NEXMIF: variants seen among roughly 807,000 people sequenced by gnomAD.
The protein encoded by NEXMIF is XLMR protein related to neurite extension.
A neutral mutation model predicts 62.1 loss-of-function variants in NEXMIF; 8 were observed. The observed-to-expected ratio is 0.13, with a 90% CI of 0.08 to 0.23. The LOEUF (loss-of-function observed/expected upper bound fraction) is 0.23. Ranked by LOEUF, NEXMIF falls within the 10% of genes least tolerant of loss-of-function variation. NEXMIF has a pLI of 1.00. For synonymous variants in NEXMIF, 404 were observed against 416.6 expected, an observed-to-expected ratio of 0.97 and a Z score of 0.37; for missense variants, 976 against 1,113.3, an observed-to-expected ratio of 0.88 and a Z score of 1.75.
intron 1 of NEXMIF, among the ~76,000 whole-genome samples, chrX:74,877,685 C>T (rs1454413937): frequency 7.2e-5 from 8 of 111,105 alleles, no homozygotes; most frequent in Non-Finnish European, 1.3e-4. Context: ...AGGCTTTGCT[C>T]GTTTCTTTTT....
chrX:74,871,689 TCG>T (rs2080601548), intron 1 of NEXMIF, among the ~76,000 whole-genome samples: 1 of 111,563 alleles, frequency 9.0e-6, no homozygotes, highest in South Asian at 3.8e-4. Flanking sequence ...TTTCTCCTAC[TCG>T]CACATCCATC....
At position 74,739,421 on chromosome X, in the gene NEXMIF, A is replaced by G; in HGVS notation, c.4535T>C (p.Phe1512Ser). 1 of 1,196,904 alleles carries G rather than the reference A, an allele frequency of 8.4e-7. No homozygotes were observed. Among genetic ancestry groups the G allele is most frequent in the South Asian group, 1.8e-5 (1 of 54,083 alleles). Residue 1512 changes from phenylalanine to serine, a missense_variant, in exon 4 of 4, where the codon TTC becomes TCC. Transcript: ENST00000055682. The stretch of plus-strand genomic sequence containing the variant: ...ACACAAACATCAAATGTCTTTCTGG[A>G]AAATGCGAGTCTCTTCTTCAAACAC... ...LPVFEEETRI[F>S]QKDI
At chrX:74,821,776 C>T (rs1348162091) in intron 1 of NEXMIF, among the ~76,000 whole-genome samples, 2 of 111,005 alleles carry the variant, frequency 1.8e-5, no homozygotes, top group Non-Finnish European at 1.9e-5. Context: ...GTCAACCAGG[C>T]CGGAGCGCCG....
intron 1 of NEXMIF, among the ~76,000 whole-genome samples, chrX:74,754,372 G>A (rs1431498145): frequency 9.5e-6 from 1 of 104,812 alleles, no homozygotes; most frequent in Non-Finnish European, 1.9e-5. Context: ...GTAGTGGTGC[G>A]ATCTCGGCTC....
chrX:74,796,190 T>TTA lies in NEXMIF; in HGVS notation c.-47-50495_-47-50494dup, dbSNP rs1489336352. Among the ~76,000 whole-genome samples, 137 of 56,671 alleles carry TTA rather than the reference T, an allele frequency of 2.4e-3. 1 individual carries two copies. Among genetic ancestry groups the TTA allele is most frequent in the Non-Finnish European group, 3.4e-3 (104 of 30,388 alleles). The allele number at this position is 56,671 out of a possible 115,157, so 49.2% of individuals were successfully genotyped here. A position where few individuals can be genotyped will look rare whatever the true frequency, so the allele number is the denominator to read the frequency against. Reference sequence around the variant, plus strand: ...TATATATTATATATATACATATATATTATATATATACATATATATTATATA... The same window carrying TTA: ...TATATATTATATATATACATATATATTATATATATATACATATATATTATATA... On this transcript the variant is annotated intron_variant, in intron 1 of 3. Coordinates refer to ENST00000055682, the MANE Select transcript of NEXMIF (RefSeq NM_001008537.3).
rs185177593 is a variant in NEXMIF at position 74,891,778 on chromosome X, A to T, written c.-48+33105T>A. Among the ~76,000 whole-genome samples the T allele has an allele frequency of 2.5e-4, 28 of 112,178 alleles. No homozygotes were observed. The East Asian group carries it at 6.7e-3, about 27-fold the overall frequency. ...GCCAAGGAGAAATTATTGCTGTGGA[A>T]CATGAGACTAGAGAGGCCAGGGCTT... On this transcript the variant is annotated intron_variant, in intron 1 of 3. Coordinates refer to ENST00000055682, the MANE Select transcript of NEXMIF (RefSeq NM_001008537.3).
chrX:74,889,324 C>T (rs927053233), intron 1 of NEXMIF, among the ~76,000 whole-genome samples: 10 of 111,162 alleles, frequency 9.0e-5, no homozygotes, highest in African/African-American at 2.6e-4. Flanking sequence ...TTTCTTTTGT[C>T]GCAGCATAGA....
chrX:74,862,690 A>T (rs1167970525), intron 1 of NEXMIF, among the ~76,000 whole-genome samples: 2 of 111,927 alleles, frequency 1.8e-5, no homozygotes, highest in Non-Finnish European at 3.8e-5. Flanking sequence ...AACTCACTCA[A>T]AGTCACACAA....
chrX:74,762,573 C>T (rs1331900431), intron 1 of NEXMIF, among the ~76,000 whole-genome samples: 1 of 111,782 alleles, frequency 8.9e-6, no homozygotes, highest in African/African-American at 3.3e-5. Context: ...AGTTTACAGT[C>T]CCACCAACGG....
intron 1 of NEXMIF, among the ~76,000 whole-genome samples, chrX:74,792,301 A>G (rs1270484248): frequency 1.8e-5 from 2 of 109,561 alleles, no homozygotes; most frequent in Admixed American, 2.0e-4. Flanking sequence ...GAGATTCTTA[A>G]TCCTGAGTTC....
chrX:74,873,738 G>C (rs1276097533), intron 1 of NEXMIF, among the ~76,000 whole-genome samples: 1 of 112,134 alleles, frequency 8.9e-6, no homozygotes, highest in Non-Finnish European at 1.9e-5. Context: ...TTCTCTGATG[G>C]CCAGTGATGA....
chrX:74,868,455 A>G (rs984436009), intron 1 of NEXMIF, among the ~76,000 whole-genome samples: 9 of 111,674 alleles, frequency 8.1e-5, no homozygotes, highest in Non-Finnish European at 1.7e-4. Context: ...CATAAAAAGG[A>G]ACAAGATTAT....
At chrX:74,792,057 T>C (rs1352746700) in intron 1 of NEXMIF, among the ~76,000 whole-genome samples, 2 of 109,269 alleles carry the variant, frequency 1.8e-5, no homozygotes, top group Non-Finnish European at 3.8e-5. Flanking sequence ...GTTCTTTTAA[T>C]TGTGATGTTA....
In NEXMIF at chrX:74,741,097, G is replaced by T. The variant is rs781129973; in HGVS notation, c.3460C>A (p.Pro1154Thr). 20 of 1,209,445 alleles carry T rather than the reference G, an allele frequency of 1.7e-5. No individual in the cohort carries two copies. In the African/African-American group the frequency reaches 3.5e-4, roughly 21 times the overall value. The change falls in exon 3 of 4, where the codon CCT becomes ACT. Residue 1154 changes from proline (P) to threonine (T), a missense_variant. Transcript: ENST00000055682. ...EDSVSLLQKN[P>T]CLSTFNDPSG... ...GGATCATTAAATGTTGACAGGCAAG[G>T]GTTTTTTTGGAGCAGGCTGACAGAA... is the stretch of plus-strand genomic sequence containing the variant.
chrX:74,766,342 G>T (rs1457189373), intron 1 of NEXMIF, among the ~76,000 whole-genome samples: 5 of 111,917 alleles, frequency 4.5e-5, no homozygotes, highest in Non-Finnish European at 7.5e-5. Flanking sequence ...CAAGTTGTTT[G>T]CTTTCTCTCC....
Position 74,743,458 on chromosome X carries a change from G to A in NEXMIF, c.1099C>T (p.Pro367Ser). 8.3e-7 allele frequency: 1 copy of A among 1,211,306 alleles called. No individual in the cohort carries two copies. The highest frequency in any genetic ancestry group is 1.1e-6 in the Non-Finnish European group (1 of 895,438). The change falls in exon 3 of 4, where the codon CCT becomes TCT. Residue 367 changes from proline to serine, a missense_variant. By Grantham distance (74) the Pro-to-Ser change is moderately conservative. Around this residue, in one of 5 missense-constraint regions of NEXMIF, gnomAD observed 639 missense variants for 694.5 expected, o/e 0.92. Transcript: ENST00000055682. ...QSSDFSQFKV[P>S]DVSIIWGEED... ...TCCCCCCAGATGATGCTCACATCAG[G>A]GACCTTGAATTGGGAAAAATCACTG... is the stretch of plus-strand genomic sequence containing the variant.
At position 74,751,623 on chromosome X, in the gene NEXMIF, CCCTT is replaced by C. The variant is rs781068385; in HGVS notation, c.-47-5930_-47-5927del. ...GCTGTGATTACAGGCTACCATCACGCCCTTCCTTCCTTCCTTCCTTCCTTCCTTC... is the reference window on the plus strand; with the variant it reads ...GCTGTGATTACAGGCTACCATCACGCCCTTCCTTCCTTCCTTCCTTCCTTC... On this transcript the variant is annotated intron_variant, in intron 1 of 3. Coordinates refer to ENST00000055682, the MANE Select transcript of NEXMIF (RefSeq NM_001008537.3). Among the ~76,000 whole-genome samples the C allele has an allele frequency of 7.6e-3, 667 of 87,287 alleles. 7 individuals are homozygous for C. The highest frequency in any genetic ancestry group is 0.023 in the African/African-American group (493 of 21,552). 75.8% of individuals were successfully genotyped at this position (87,287 alleles called of 115,157 possible). A position where few individuals can be genotyped will look rare whatever the true frequency, so the allele number is the denominator to read the frequency against.
In NEXMIF at chrX:74,741,408, G is replaced by A; in HGVS notation, c.3149C>T (p.Thr1050Ile). 3.3e-6 allele frequency: 4 copies of A among 1,211,378 alleles called. No homozygotes were observed. The highest frequency in any genetic ancestry group is 3.4e-6 in the Non-Finnish European group (3 of 895,135). The part of the protein sequence containing the change: ...IDEIAPLKES[T>I]DLLDISNFTP... ...GAAGTTGGATATATCCAGGAGGTCA[G>A]TGGACTCCTTTAGTGGTGCTATCTC... Residue 1050 changes from threonine to isoleucine, a missense_variant, in exon 3 of 4, where the codon ACT (threonine) becomes ATT (isoleucine). By Grantham distance (89) the Thr-to-Ile change is moderately conservative. Around this residue, in one of 5 missense-constraint regions of NEXMIF, gnomAD observed 639 missense variants for 694.5 expected, o/e 0.92. Coordinates refer to ENST00000055682, the MANE Select transcript of NEXMIF (RefSeq NM_001008537.3).
At chrX:74,877,963 G>C (rs1900772805) in intron 1 of NEXMIF, among the ~76,000 whole-genome samples, 1 of 112,054 alleles carries the variant, frequency 8.9e-6, no homozygotes, top group African/African-American at 3.2e-5. Context: ...GGAGTAATTT[G>C]ATCGTCTGAA....
Sources: allele counts gnomAD v4.1 joint callset (sites outside exome capture counted in the v4.1 genomes callset), GRCh38; gene constraint gnomAD v4.1.1; regional missense constraint gnomAD v4.1.1; transcripts MANE v1.5; gene names NCBI Gene and HGNC (gene_info 2026-07-23, HGNC 2026-07-21).